The following BICC1 variants were observed in gnomAD, a reference collection of about 807,000 sequenced individuals.
BICC1 encodes protein bicaudal C homolog 1.
BICC1 carries 43 observed loss-of-function variants against 111.0 expected under a neutral mutation model. That is an observed-to-expected ratio of 0.39 (90% confidence interval 0.30 to 0.50). The LOEUF is 0.50. BICC1 is among the 20% of genes least tolerant of loss of function. The probability of loss-of-function intolerance (pLI) is 0.88; values close to 1 mark genes in which losing one functional copy is unlikely to be tolerated. For missense variants in BICC1, 1,091 were observed against 1,203.2 expected (o/e 0.91, Z 1.38); for synonymous variants, 467 against 434.4 (o/e 1.07, Z -0.93).
chr10:58,656,726 A>G (rs1838665904), intron 2 of BICC1, among the ~76,000 whole-genome samples: 6 of 152,168 alleles, frequency 3.9e-5, no homozygotes, highest in Admixed American at 3.9e-4. Flanking sequence ...AGAGGCTCTA[A>G]TAAGTTCAGT....
At chr10:58,545,851 C>T (rs1007277004) in intron 1 of BICC1, among the ~76,000 whole-genome samples, 2 of 152,060 alleles carry the variant, frequency 1.3e-5, no homozygotes, top group Admixed American at 1.3e-4. Flanking sequence ...AACCCAAACT[C>T]CTGACTGGGG....
At chr10:58,539,609 A>G (rs1173624262) in intron 1 of BICC1, among the ~76,000 whole-genome samples, 1 of 151,942 alleles carries the variant, frequency 6.6e-6, no homozygotes, top group Non-Finnish European at 1.5e-5. Flanking sequence ...ACAATGATAA[A>G]TGTACATGTA....
chr10:58,805,314 C>CAAACA (rs962633175), intron 15 of BICC1, among the ~76,000 whole-genome samples: 1 of 150,862 alleles, frequency 6.6e-6, no homozygotes, highest in African/African-American at 2.4e-5. Flanking sequence ...AACAAACAAA[C>CAAACA]AAAAAAACTG....
intron 1 of BICC1, among the ~76,000 whole-genome samples, chr10:58,552,909 G>C (rs576335269): frequency 6.6e-6 from 1 of 152,096 alleles, no homozygotes; most frequent in African/African-American, 2.4e-5. Flanking sequence ...AACATTCCAC[G>C]TAGGCATGGG....
rs116985244 is a variant in BICC1 at position 58,699,542 on chromosome 10, T to A, written c.238-2532T>A. 2.0e-3 allele frequency among the ~76,000 whole-genome samples: 298 copies of A among 152,350 alleles called. 1 individual carries two copies. The highest frequency in any genetic ancestry group is 3.8e-3 in the Non-Finnish European group (257 of 68,026). On this transcript the variant is annotated intron_variant, in intron 2 of 20. Transcript: ENST00000373886. ...TCTACACATATGTCAAAAGGCAAAC[T>A]TATCTATTACAGTATCATAATATGG...
intron 2 of BICC1, among the ~76,000 whole-genome samples, chr10:58,695,186 G>A (rs1244369033): frequency 1.3e-5 from 2 of 152,096 alleles, no homozygotes; most frequent in Admixed American, 1.3e-4. Context: ...ATGAAATATA[G>A]CAGAACCCTC....
intron 2 of BICC1, among the ~76,000 whole-genome samples, chr10:58,692,705 A>G (rs886157592): frequency 2.6e-5 from 4 of 151,874 alleles, no homozygotes; most frequent in African/African-American, 9.7e-5. Context: ...GCCTTAGGGA[A>G]TTGTCATACT....
intron 2 of BICC1, among the ~76,000 whole-genome samples, chr10:58,656,141 T>C (rs1838639628): frequency 6.6e-6 from 1 of 152,072 alleles, no homozygotes; most frequent in African/African-American, 2.4e-5. Flanking sequence ...CTCCCAAGAC[T>C]AAACCAGGAA....
rs528172888 is a variant in BICC1 at position 58,739,260 on chromosome 10, A to G, written c.307+37117A>G. Among the ~76,000 whole-genome samples, 702 of 152,272 alleles carry G rather than the reference A, an allele frequency of 4.6e-3. 6 individuals are homozygous for G. Among genetic ancestry groups the G allele is most frequent in the African/African-American group, 0.015 (632 of 41,528 alleles). ...TATTATTTTGAGATGCGTCCCATCA[A>G]TACCTAATTTATTGAGAGTTTTTAT... is the stretch of plus-strand genomic sequence containing the variant. On this transcript the variant is annotated intron_variant, in intron 3 of 20. Coordinates refer to ENST00000373886, the MANE Select transcript of BICC1 (RefSeq NM_001080512.3).
intron 2 of BICC1, among the ~76,000 whole-genome samples, chr10:58,654,208 G>T (rs1364158284): frequency 2.4e-5 from 3 of 125,856 alleles, no homozygotes; most frequent in African/African-American, 9.1e-5. Flanking sequence ...GTAATGGGAT[G>T]GCTGGGTCAA....
chr10:58,828,879 T>C lies in BICC1; in HGVS notation c.2913T>C (p.Ser971=), dbSNP rs201439407. The change falls in exon 21 of 21, where the codon AGT becomes AGC. Residue 971 remains serine, a synonymous_variant. Transcript: ENST00000373886. ...ATCACTCAGACATTGCTAGTGTCAG[T>C]GGCCGCTGGTAGCAGCACCCTCTTG... The part of the protein sequence containing the change: ...RQYHSDIASV[S]GRW 2 of 1,613,844 alleles carry C rather than the reference T, an allele frequency of 1.2e-6. No homozygotes were observed. Among genetic ancestry groups the C allele is most frequent in the East Asian group, 4.5e-5 (2 of 44,848 alleles).
intron 1 of BICC1, among the ~76,000 whole-genome samples, chr10:58,618,628 T>G (rs2132130187): frequency 6.6e-6 from 1 of 152,308 alleles, no homozygotes; most frequent in South Asian, 2.1e-4. Flanking sequence ...GGTCTCCCGC[T>G]TGGTCTGGAA....
chr10:58,642,332 G>A (rs1218216462), intron 2 of BICC1, among the ~76,000 whole-genome samples: 1 of 152,130 alleles, frequency 6.6e-6, no homozygotes, highest in African/African-American at 2.4e-5. Flanking sequence ...CTGTCATTAT[G>A]TAGATCTTAG....
At chr10:58,703,196 A>G (rs1393026322) in intron 3 of BICC1, among the ~76,000 whole-genome samples, 2 of 124,584 alleles carry the variant, frequency 1.6e-5, no homozygotes, top group Admixed American at 1.0e-4. Context: ...ACAGGGTCTC[A>G]CTCTGTCACC....
intron 3 of BICC1, among the ~76,000 whole-genome samples, chr10:58,716,439 G>T (rs1235882224): frequency 1.3e-5 from 2 of 152,186 alleles, no homozygotes; most frequent in African/African-American, 2.4e-5. Flanking sequence ...AGATGCTACT[G>T]TGTGAAAGGG....
At chr10:58,800,112 T>C (rs1480490743) in intron 12 of BICC1, 82 bp from the exon 13 acceptor site, 4 of 1,140,358 alleles carry the variant, frequency 3.5e-6, no homozygotes, top group Non-Finnish European at 4.9e-6. Flanking sequence ...TTCGTGGCTG[T>C]TATAAATGGG....
At position 58,680,312 on chromosome 10, in the gene BICC1, T is replaced by G. The variant is rs556272943; in HGVS notation, c.238-21762T>G. Among the ~76,000 whole-genome samples the G allele has an allele frequency of 2.0e-5, 3 of 152,320 alleles. No individual in the cohort carries two copies. The East Asian group carries it at 5.8e-4, about 29-fold the overall frequency. ...CCGTCATCTCAGCCCAAAAACTCCT[T>G]AAGCTGATAAGCAGCTTCAGCAAGG... is the stretch of plus-strand genomic sequence containing the variant. On this transcript the variant is annotated intron_variant, in intron 2 of 20. Transcript: ENST00000373886.
intron 1 of BICC1, among the ~76,000 whole-genome samples, chr10:58,607,609 G>A (rs571179201): frequency 4.0e-4 from 60 of 150,708 alleles, no homozygotes; most frequent in African/African-American, 1.2e-3. Context: ...CTTCCCCATC[G>A]GCCTCCCTCA....
intron 7 of BICC1, 49 bp from the exon 8 acceptor site, chr10:58,789,633 A>G (rs1843115509): frequency 6.2e-7 from 1 of 1,601,484 alleles, no homozygotes; most frequent in African/African-American, 1.3e-5. Flanking sequence ...TTCCCCGTAT[A>G]TGAACAGTTA....
Sources: allele counts gnomAD v4.1 joint callset (sites outside exome capture counted in the v4.1 genomes callset), GRCh38; gene constraint gnomAD v4.1.1; transcripts MANE v1.5; gene names NCBI Gene and HGNC (gene_info 2026-07-23, HGNC 2026-07-21).